SYT14: variants seen among roughly 807,000 people sequenced by gnomAD.
The protein encoded by SYT14 is synaptotagmin-14.
Under a neutral mutation model 74.2 loss-of-function variants are expected in SYT14, and 32 were observed. That is an observed-to-expected ratio of 0.43 (90% CI 0.33 to 0.58). The LOEUF is 0.58. Ranked by LOEUF, SYT14 falls within the 20% of genes least tolerant of loss-of-function variation. SYT14 has a pLI of 0.05. For missense variants in SYT14, 791 were observed against 981.8 expected, an observed-to-expected ratio of 0.81 and a Z score of 2.60; for synonymous variants, 298 against 337.7, an observed-to-expected ratio of 0.88 and a Z score of 1.29.
In SYT14 at chr1:209,942,364, C is replaced by G. The variant is rs887232901; in HGVS notation, c.-534+4087C>G. Among the ~76,000 whole-genome samples, 27 of 107,566 alleles carry G rather than the reference C, an allele frequency of 2.5e-4. 1 individual carries two copies. In the South Asian group the frequency reaches 7.9e-3, roughly 31 times the overall value. 70.6% of individuals were successfully genotyped at this position (107,566 alleles called of 152,430 possible). ...ATCCAGCCTCCATGCAAATTTACCCCCCCCCCCCCGCTCTGTTGTGCAGAT... is the reference window on the plus strand; with the variant it reads ...ATCCAGCCTCCATGCAAATTTACCCGCCCCCCCCCGCTCTGTTGTGCAGAT... On this transcript the variant is annotated intron_variant, in intron 1 of 9. Transcript: ENST00000637265.
intron 5 of SYT14, among the ~76,000 whole-genome samples, chr1:210,052,264 A>C (rs2081010529): frequency 1.3e-5 from 2 of 151,048 alleles, no homozygotes; most frequent in South Asian, 2.1e-4. Flanking sequence ...TCTGTCGCCC[A>C]GGCTGGAGTG....
intron 5 of SYT14, among the ~76,000 whole-genome samples, chr1:210,054,034 A>G (rs903785355): frequency 3.3e-5 from 5 of 152,098 alleles, no homozygotes; most frequent in African/African-American, 1.2e-4. Flanking sequence ...TTTTGAAGTC[A>G]TTGCTCTATT....
intron 5 of SYT14, among the ~76,000 whole-genome samples, chr1:210,051,366 A>G (rs1048177801): frequency 6.6e-6 from 1 of 152,210 alleles, no homozygotes; most frequent in African/African-American, 2.4e-5. Flanking sequence ...TCTGTTTGCT[A>G]TGAATATAGT....
At chr1:209,952,990 C>T in intron 2 of SYT14, 1 of 1,403,508 alleles carries the variant, frequency 7.1e-7, no homozygotes, top group East Asian at 2.8e-5. Context: ...TGGTTTCTAG[C>T]ATATTGGTTG....
At chr1:209,980,686 A>G (rs1293914484) in intron 2 of SYT14, among the ~76,000 whole-genome samples, 1 of 152,164 alleles carries the variant, frequency 6.6e-6, no homozygotes, top group Non-Finnish European at 1.5e-5. Context: ...TTCTCCCAGT[A>G]CCATTTATTA....
intron 2 of SYT14, among the ~76,000 whole-genome samples, chr1:209,976,470 G>T (rs1041117194): frequency 8.6e-4 from 131 of 152,048 alleles, no homozygotes; most frequent in South Asian, 4.8e-3. Flanking sequence ...TACCCAGTAG[G>T]CATTCAGGAG....
chr1:209,987,310 G>A (rs1394230567), intron 2 of SYT14, among the ~76,000 whole-genome samples: 2 of 152,234 alleles, frequency 1.3e-5, no homozygotes, highest in Non-Finnish European at 2.9e-5. Flanking sequence ...AAATACCTGA[G>A]ACTGGATAAT....
intron 5 of SYT14, among the ~76,000 whole-genome samples, chr1:210,091,251 A>G (rs1417330700): frequency 6.6e-6 from 1 of 152,202 alleles, no homozygotes; most frequent in African/African-American, 2.4e-5. Flanking sequence ...CAAGGACCTA[A>G]TATAAAAAAG....
intron 5 of SYT14, among the ~76,000 whole-genome samples, chr1:210,037,467 T>G (rs928562180): frequency 6.6e-6 from 1 of 151,890 alleles, no homozygotes; most frequent in Non-Finnish European, 1.5e-5. Flanking sequence ...CTCCAGTAAT[T>G]TTGGGTTTGG....
At chr1:209,959,500 T>A (rs928436556) in intron 2 of SYT14, among the ~76,000 whole-genome samples, 2 of 152,178 alleles carry the variant, frequency 1.3e-5, no homozygotes, top group African/African-American at 4.8e-5. Context: ...CATCAACTGA[T>A]GAATGAATTA....
At chr1:210,121,645 T>A (rs191374122) in intron 7 of SYT14, among the ~76,000 whole-genome samples, 1 of 151,794 alleles carries the variant, frequency 6.6e-6, no homozygotes, top group Non-Finnish European at 1.5e-5. Context: ...ATACAAAAAA[T>A]TAGCCAGGCG....
At chr1:209,970,182 A>AAG (rs2079224495) in intron 2 of SYT14, among the ~76,000 whole-genome samples, 1 of 152,068 alleles carries the variant, frequency 6.6e-6, no homozygotes, top group African/African-American at 2.4e-5. Context: ...TTCTTTTAGA[A>AAG]TTTTTATAGC....
At chr1:210,134,079 TATTTA>T (rs1171421228) in intron 7 of SYT14, among the ~76,000 whole-genome samples, 1 of 151,966 alleles carries the variant, frequency 6.6e-6, no homozygotes, top group Non-Finnish European at 1.5e-5. Context: ...TTTATTTATT[TATTTA>T]TTTTTGAGAT....
Position 210,069,136 on chromosome 1 carries a change from A to G in SYT14, c.1313-25186A>G, listed in dbSNP as rs763297604. Among the ~76,000 whole-genome samples, 11 of 152,024 alleles carry G rather than the reference A, an allele frequency of 7.2e-5. 1 individual carries two copies. In the South Asian group the frequency reaches 1.4e-3, roughly 20 times the overall value. On this transcript the variant is annotated intron_variant, in intron 5 of 9. Transcript: ENST00000637265. ...GTGTTGTGATCAGCTATCAAAATCT[A>G]TGCAATTCAACTTTTCCTATTTGTT...
chr1:210,122,975 A>G (rs1237309347), intron 7 of SYT14, among the ~76,000 whole-genome samples: 2 of 152,136 alleles, frequency 1.3e-5, no homozygotes, highest in Admixed American at 6.5e-5. Context: ...TAAATACTCA[A>G]CTGTGTCCAG....
exon 10 of SYT14, chr1:210,164,184 C>A: frequency 2.8e-6 from 1 of 357,664 alleles, no homozygotes; most frequent in South Asian, 2.2e-5. Context: ...TCAGTACAAT[C>A]CACTTTTGTT....
chr1:210,146,326 C>T (rs1018492846), intron 7 of SYT14, among the ~76,000 whole-genome samples: 2 of 150,892 alleles, frequency 1.3e-5, no homozygotes, highest in African/African-American at 2.4e-5. Flanking sequence ...GAGTGAGACT[C>T]GGTCTCAAAA....
intron 7 of SYT14, among the ~76,000 whole-genome samples, chr1:210,153,486 C>T (rs1016371154): frequency 6.6e-6 from 1 of 151,970 alleles, no homozygotes; most frequent in Non-Finnish European, 1.5e-5. Context: ...GTATAGAGGC[C>T]TTGCATATCA....
intron 5 of SYT14, among the ~76,000 whole-genome samples, chr1:210,090,652 A>G (rs1333718645): frequency 6.6e-6 from 1 of 152,226 alleles, no homozygotes; most frequent in Non-Finnish European, 1.5e-5. Context: ...AGCAGGAACT[A>G]AAGTAATGGG....
Sources: gnomAD v4.1 joint callset for allele counts (sites outside exome capture counted in the v4.1 genomes callset) on GRCh38, gnomAD v4.1.1 for gene constraint, MANE v1.5 for transcripts, NCBI Gene and HGNC (gene_info 2026-07-23, HGNC 2026-07-21) for gene names.